Variants in TTC3 observed in about 807,000 individuals in gnomAD.
The protein encoded by TTC3 is tetratricopeptide repeat domain 3.
TTC3 carries 180 observed loss-of-function variants against 249.6 expected under a neutral mutation model. The observed-to-expected ratio is 0.72, with a 90% CI of 0.64 to 0.82. The LOEUF is 0.82. TTC3 is among the 40% of genes least tolerant of loss of function. The pLI is 0.00. For missense variants in TTC3, 2,061 were observed against 2,398.4 expected (o/e 0.86, Z 2.94); for synonymous variants, 717 against 805.0 (o/e 0.89, Z 1.85).
chr21:37,142,954 T>C (rs947218744), intron 20 of TTC3, among the ~76,000 whole-genome samples: 1 of 152,150 alleles, frequency 6.6e-6, no homozygotes, highest in Non-Finnish European at 1.5e-5. Flanking sequence ...CATCTACAAC[T>C]ATCTGATCTT....
intron 12 of TTC3, 91 bp downstream of exon 12, chr21:37,122,070 C>A: frequency 3.3e-6 from 4 of 1,206,466 alleles, no homozygotes; most frequent in South Asian, 3.7e-5. Context: ...GACCACAAAT[C>A]AATCCTCAGA....
chr21:37,171,701 T>C (rs1422544943), intron 34 of TTC3, among the ~76,000 whole-genome samples: 1 of 152,216 alleles, frequency 6.6e-6, no homozygotes, highest in Non-Finnish European at 1.5e-5. Context: ...TTTATAGTAC[T>C]AAACTTTCGG....
chr21:37,124,952 G>C (rs972722106), intron 14 of TTC3, among the ~76,000 whole-genome samples: 3 of 152,030 alleles, frequency 2.0e-5, no homozygotes, highest in Admixed American at 1.3e-4. Flanking sequence ...AATTTCTTTT[G>C]AAATCACATT....
exon 34 of TTC3, chr21:37,167,571 T>A: frequency 6.2e-7 from 1 of 1,609,556 alleles, no homozygotes; most frequent in Non-Finnish European, 8.5e-7. Context: ...TGGAACATAA[T>A]ACACCAAGAA....
chr21:37,092,009 C>T (rs2073341224), intron 7 of TTC3, among the ~76,000 whole-genome samples: 1 of 152,072 alleles, frequency 6.6e-6, no homozygotes, highest in South Asian at 2.1e-4. Flanking sequence ...TCAAAGAGAC[C>T]ACAACTGGGT....
chr21:37,105,544 A>G (rs2074996691), intron 10 of TTC3, among the ~76,000 whole-genome samples: 1 of 152,184 alleles, frequency 6.6e-6, no homozygotes, highest in African/African-American at 2.4e-5. Flanking sequence ...CATGCTGAAA[A>G]GTATACAAGT....
At chr21:37,100,544 T>G (rs559862503) in intron 10 of TTC3, among the ~76,000 whole-genome samples, 2 of 152,304 alleles carry the variant, frequency 1.3e-5, no homozygotes, top group East Asian at 3.9e-4. Flanking sequence ...ATGATTTTAA[T>G]GCCAAAATAG....
At chr21:37,171,151 C>T (rs2081744131) in intron 34 of TTC3, among the ~76,000 whole-genome samples, 1 of 152,102 alleles carries the variant, frequency 6.6e-6, no homozygotes, top group Non-Finnish European at 1.5e-5. Flanking sequence ...ACATTTTGGC[C>T]TGTTTACTGT....
At chr21:37,173,566 G>A (rs2081989727) in intron 35 of TTC3, among the ~76,000 whole-genome samples, 1 of 152,186 alleles carries the variant, frequency 6.6e-6, no homozygotes. Flanking sequence ...ACCATCATCT[G>A]TTTAGAAAGG....
intron 15 of TTC3, 59 bp downstream of exon 15, chr21:37,126,202 A>G: frequency 6.6e-7 from 1 of 1,505,732 alleles, no homozygotes; most frequent in South Asian, 1.2e-5. Context: ...CTAAATTTGG[A>G]TGCCCTACAA....
chr21:37,085,446 A>G (rs2072326102), intron 1 of TTC3, among the ~76,000 whole-genome samples: 1 of 152,176 alleles, frequency 6.6e-6, no homozygotes. Context: ...CGAAGTGGAA[A>G]CCAAATTGTT....
At chr21:37,201,383 A>C in intron 45 of TTC3, 57 bp from the exon 46 acceptor site, 1 of 1,610,028 alleles carries the variant, frequency 6.2e-7, no homozygotes, top group South Asian at 1.1e-5. Flanking sequence ...AGCACAGGGG[A>C]GCTAAGCTTC....
intron 39 of TTC3, 36 bp downstream of exon 39, chr21:37,188,631 T>A: frequency 1.3e-6 from 2 of 1,537,084 alleles, no homozygotes; most frequent in Non-Finnish European, 1.8e-6. Flanking sequence ...AGCACGTCAT[T>A]TAGAAGATAA....
At chr21:37,170,463 C>T (rs56268364) in intron 34 of TTC3, among the ~76,000 whole-genome samples, 80,425 of 151,652 alleles carry the variant, frequency 0.53, 21,899 homozygotes, top group African/African-American at 0.64. Context: ...AGTTAGGAAT[C>T]GATCTGCACT....
At position 37,181,050 on chromosome 21, in the gene TTC3, G is replaced by T. The variant is rs145566378; in HGVS notation, c.4618-1724G>T. On this transcript the variant is annotated intron_variant, in intron 35 of 45. Coordinates refer to ENST00000355666, the Ensembl canonical transcript of TTC3. ...TTTATGCTAAGTTTGAAAGAAAAAC[G>T]TTCAGGAGATCATTCTGTCTTCCAT... is the stretch of plus-strand genomic sequence containing the variant. 2.6e-5 allele frequency among the ~76,000 whole-genome samples: 4 copies of T among 152,220 alleles called. No individual in the cohort carries two copies. In the East Asian group the frequency reaches 7.7e-4, roughly 29 times the overall value.
In TTC3 at chr21:37,147,461, T is replaced by G. The variant is rs1240990722; in HGVS notation, c.1894-20T>G. ...CAGATTAGTATTGTAATGGTATCAT[T>G]TTTGTTTATTTTGTTTTAGATGCTG... On this transcript the variant is annotated intron_variant, in intron 21 of 45. Transcript: ENST00000355666. 1 of 1,588,476 alleles carries G rather than the reference T, an allele frequency of 6.3e-7. No individual in the cohort carries two copies. Among genetic ancestry groups the G allele is most frequent in the Non-Finnish European group, 8.5e-7 (1 of 1,170,934 alleles).
intron 11 of TTC3, among the ~76,000 whole-genome samples, chr21:37,114,982 T>A (rs2076004030): frequency 6.6e-6 from 1 of 151,580 alleles, no homozygotes; most frequent in African/African-American, 2.4e-5. Flanking sequence ...AATTGAACAA[T>A]GAGAGCACAT....
chr21:37,199,820 T>TC (rs2085310221), intron 44 of TTC3, among the ~76,000 whole-genome samples: 1 of 152,242 alleles, frequency 6.6e-6, no homozygotes, highest in Non-Finnish European at 1.5e-5. Flanking sequence ...ATTATGGGCT[T>TC]CCGTCATGAT....
intron 10 of TTC3, 131 bp from the exon 11 acceptor site, chr21:37,108,261 G>T: frequency 2.8e-6 from 2 of 707,976 alleles, no homozygotes; most frequent in Non-Finnish European, 4.3e-6. Context: ...ATATTATATG[G>T]ATTTTTTTTA....
Sources: gnomAD v4.1 joint callset for allele counts (sites outside exome capture counted in the v4.1 genomes callset) on GRCh38, gnomAD v4.1.1 for gene constraint, MANE v1.5 for transcripts, NCBI Gene and HGNC (gene_info 2026-07-23, HGNC 2026-07-21) for gene names.